PRDM16: variants seen among roughly 807,000 people sequenced by gnomAD.
PRDM16 encodes the protein histone-lysine N-methyltransferase PRDM16.
In PRDM16, 23 loss-of-function variants were observed where a neutral mutation model predicts 110.6. That is an observed-to-expected ratio of 0.21 (90% CI 0.15 to 0.29). The LOEUF is 0.29. Among genes scored for constraint, PRDM16 ranks in the 10% least tolerant of loss-of-function variants. PRDM16 has a pLI of 1.00. For missense variants in PRDM16, 1,615 were observed against 1,794.3 expected (o/e 0.90, Z 1.81); for synonymous variants, 799 against 781.8 (o/e 1.02, Z -0.37).
intron 1 of PRDM16, among the ~76,000 whole-genome samples, chr1:3,172,748 G>A (rs1644040192): frequency 6.6e-6 from 1 of 152,240 alleles, no homozygotes; most frequent in African/African-American, 2.4e-5. Context: ...GTTATCACAT[G>A]CATAGAGACG....
chr1:3,241,477 G>A (rs1304790093), intron 2 of PRDM16, among the ~76,000 whole-genome samples: 1 of 152,240 alleles, frequency 6.6e-6, no homozygotes, highest in Non-Finnish European at 1.5e-5. Flanking sequence ...GGGCTGGCCA[G>A]GTCCCACCTC....
chr1:3,161,224 G>A (rs1018226035), intron 1 of PRDM16, among the ~76,000 whole-genome samples: 1 of 152,146 alleles, frequency 6.6e-6, no homozygotes. Context: ...CTCAAAAGAC[G>A]GCGAAGGAGC....
intron 2 of PRDM16, among the ~76,000 whole-genome samples, chr1:3,212,294 C>T (rs1478882446): frequency 1.3e-5 from 2 of 152,174 alleles, no homozygotes; most frequent in African/African-American, 4.8e-5. Flanking sequence ...TTTGTCCCCG[C>T]TGGGGCTCGG....
chr1:3,204,275 GT>G (rs1372441690), intron 2 of PRDM16, among the ~76,000 whole-genome samples: 1 of 152,190 alleles, frequency 6.6e-6, no homozygotes, highest in Non-Finnish European at 1.5e-5. Flanking sequence ...AAACGTCTGT[GT>G]GGGGGGAGGG....
In PRDM16 at chr1:3,157,846, C is replaced by T. The variant is rs778284239; in HGVS notation, c.38-28279C>T. On this transcript the variant is annotated intron_variant, in intron 1 of 16. Transcript: ENST00000270722. The surrounding 1 kb of genome is among the most constrained non-coding windows in gnomAD (Gnocchi z 4.8). ...GAGGCCATCTGGCCTCCCCCAGCACCGCCGGGCTGGATGCTTTAGCCCCAG... is the reference window on the plus strand; with the variant it reads ...GAGGCCATCTGGCCTCCCCCAGCACTGCCGGGCTGGATGCTTTAGCCCCAG... Among the ~76,000 whole-genome samples the T allele has an allele frequency of 2.1e-4, 32 of 152,260 alleles. No homozygotes were observed. The highest frequency in any genetic ancestry group is 4.2e-4 in the South Asian group (2 of 4,810).
At chr1:3,278,463 A>G (rs1277461752) in intron 3 of PRDM16, among the ~76,000 whole-genome samples, 2 of 152,228 alleles carry the variant, frequency 1.3e-5, no homozygotes, top group South Asian at 2.1e-4. Flanking sequence ...ACATTCATGC[A>G]GGATATTTCA....
intron 3 of PRDM16, among the ~76,000 whole-genome samples, chr1:3,314,522 T>C (rs1641551559): frequency 6.6e-6 from 1 of 152,120 alleles, no homozygotes; most frequent in South Asian, 2.1e-4. Context: ...ATAGTTATCC[T>C]GCTCCATCCA....
Position 3,368,338 on chromosome 1 carries a change from A to T in PRDM16, c.439-16814A>T, listed in dbSNP as rs568818570. ...AGTTTGCGGGGGTCTTGGCCACCAG[A>T]AAAGAGTGCTATGATTGAGCCCTGG... On this transcript the variant is annotated intron_variant, in intron 3 of 16. Transcript: ENST00000270722. Among the ~76,000 whole-genome samples the T allele has an allele frequency of 4.6e-3, 698 of 152,302 alleles. 1 individual carries two copies. The highest frequency in any genetic ancestry group is 7.4e-3 in the Non-Finnish European group (502 of 68,024).
intron 1 of PRDM16, among the ~76,000 whole-genome samples, chr1:3,129,471 G>C (rs1643289613): frequency 6.6e-6 from 1 of 152,162 alleles, no homozygotes; most frequent in Non-Finnish European, 1.5e-5. Flanking sequence ...GCATGTGTGT[G>C]TGTGTGTGGC....
intron 1 of PRDM16, among the ~76,000 whole-genome samples, chr1:3,153,501 G>A (rs1443973239): frequency 6.6e-6 from 1 of 152,204 alleles, no homozygotes; most frequent in Non-Finnish European, 1.5e-5. Flanking sequence ...GACCAGAGCG[G>A]GGCTCCCCTG....
chr1:3,213,081 AG>A lies in PRDM16; in HGVS notation c.387+26609del, dbSNP rs568227581. Reference sequence around the variant, plus strand: ...CCCGCCTGCCGCACGCTTCCCCGGGAGGCCGAGCTCAGGAAGACGCGGCAAA... The same window carrying A: ...CCCGCCTGCCGCACGCTTCCCCGGGAGCCGAGCTCAGGAAGACGCGGCAAA... On this transcript the variant is annotated intron_variant, in intron 2 of 16. Transcript: ENST00000270722. This position sits in a 1 kb window ranked among gnomAD's most constrained non-coding sequence, Gnocchi z 5.3. 2.9e-4 allele frequency among the ~76,000 whole-genome samples: 44 copies of A among 152,328 alleles called. No homozygotes were observed. In the South Asian group the frequency reaches 7.7e-3, roughly 27 times the overall value.
At chr1:3,172,295 G>A (rs1644034714) in intron 1 of PRDM16, among the ~76,000 whole-genome samples, 1 of 152,194 alleles carries the variant, frequency 6.6e-6, no homozygotes, top group South Asian at 2.1e-4. Context: ...ACAGAGGCTG[G>A]AAGGAGACCC....
At chr1:3,216,252 G>A (rs952132220) in intron 2 of PRDM16, among the ~76,000 whole-genome samples, 4 of 152,140 alleles carry the variant, frequency 2.6e-5, no homozygotes, top group Admixed American at 6.5e-5. Flanking sequence ...CCAGGCCCCC[G>A]AGATGCTGAA....
At chr1:3,302,907 TG>T (rs1283028720) in intron 3 of PRDM16, among the ~76,000 whole-genome samples, 2 of 152,066 alleles carry the variant, frequency 1.3e-5, no homozygotes, top group Admixed American at 1.3e-4. Context: ...GTGCACTTCA[TG>T]TATTGATTTG....
At chr1:3,360,977 A>G (rs1179026909) in intron 3 of PRDM16, among the ~76,000 whole-genome samples, 1 of 150,594 alleles carries the variant, frequency 6.6e-6, no homozygotes, top group African/African-American at 2.4e-5. Flanking sequence ...GAGTCTATGC[A>G]CTCTCGTTTT....
intron 1 of PRDM16, among the ~76,000 whole-genome samples, chr1:3,121,610 G>A (rs904056806): frequency 6.6e-6 from 1 of 152,238 alleles, no homozygotes; most frequent in African/African-American, 2.4e-5. Flanking sequence ...GGTGAGAAAT[G>A]AATGGGCTTC....
At chr1:3,240,102 AGAG>A (rs539800058) in intron 2 of PRDM16, among the ~76,000 whole-genome samples, 129 of 149,698 alleles carry the variant, frequency 8.6e-4, no homozygotes, top group African/African-American at 2.9e-3. Context: ...AGAGGAGAGG[AGAG>A]GAGGAGAAGA....
At position 3,150,813 on chromosome 1, in the gene PRDM16, C is replaced by T. The variant is rs372390258; in HGVS notation, c.38-35312C>T. ...CTCCTTACTTTTTGGTCTCTGAAGC[C>T]CATGGGAGTGGGAGGGAAAGCACAG... is the stretch of plus-strand genomic sequence containing the variant. On this transcript the variant is annotated intron_variant, in intron 1 of 16. Transcript: ENST00000270722. 2.9e-4 allele frequency among the ~76,000 whole-genome samples: 43 copies of T among 150,360 alleles called. No homozygotes were observed. In the East Asian group the frequency reaches 7.3e-3, roughly 26 times the overall value.
intron 1 of PRDM16, among the ~76,000 whole-genome samples, chr1:3,158,650 T>G (rs1235987220): frequency 6.6e-6 from 1 of 151,976 alleles, no homozygotes; most frequent in African/African-American, 2.4e-5. Context: ...TTGGAGATTT[T>G]TCTTTTTCTT....
Sources: allele counts gnomAD v4.1 joint callset (sites outside exome capture counted in the v4.1 genomes callset), GRCh38; gene constraint gnomAD v4.1.1; non-coding constraint Gnocchi (gnomAD v3.1); transcripts MANE v1.5; gene names NCBI Gene and HGNC (gene_info 2026-07-23, HGNC 2026-07-21).